EBF4: variants seen among roughly 807,000 people sequenced by gnomAD.
The protein encoded by EBF4 is EBF transcription factor 4.
EBF4 carries 34 observed loss-of-function variants against 67.1 expected under a neutral mutation model. The observed-to-expected ratio is 0.51, with a 90% CI of 0.39 to 0.67. EBF4 has a LOEUF of 0.67. EBF4 is among the 30% of genes least tolerant of loss of function. EBF4 has a pLI of 0.00. For missense variants in EBF4, 837 were observed against 873.3 expected, an observed-to-expected ratio of 0.96 and a Z score of 0.52; for synonymous variants, 387 against 377.7, an observed-to-expected ratio of 1.02 and a Z score of -0.29.
At chr20:2,753,079 C>T (rs2088183265) in intron 14 of EBF4, among the ~76,000 whole-genome samples, 1 of 152,252 alleles carries the variant, frequency 6.6e-6, no homozygotes, top group Admixed American at 6.5e-5. Flanking sequence ...TCTGTGTGAT[C>T]AGACAGAATT....
At chr20:2,754,840 C>CT (rs1432496287) in intron 14 of EBF4, among the ~76,000 whole-genome samples, 84 of 152,056 alleles carry the variant, frequency 5.5e-4, no homozygotes, top group Non-Finnish European at 2.2e-4. Flanking sequence ...AGGAGGCTCC[C>CT]TTGCCATTCC....
At chr20:2,701,777 C>T (rs1033787096) in intron 1 of EBF4, among the ~76,000 whole-genome samples, 25 of 152,332 alleles carry the variant, frequency 1.6e-4, no homozygotes, top group Non-Finnish European at 3.4e-4. Context: ...GATATAAAAG[C>T]CACAGGGACC....
rs2087296715 is a variant in EBF4, at chr20:2,696,913, G to A, written c.137+3131G>A. Among the ~76,000 whole-genome samples, 1 of 152,208 alleles carries A rather than the reference G, an allele frequency of 6.6e-6. No homozygotes were observed. Among genetic ancestry groups the A allele is most frequent in the South Asian group, 2.1e-4 (1 of 4,836 alleles). ...GCTGGGGCCTTCCCCTAAGGCAAGG[G>A]TAGCGGTCCGTTCATCCTTGTGTCC... On this transcript the variant is annotated intron_variant, in intron 1 of 16. Coordinates refer to ENST00000609451, the Ensembl canonical transcript of EBF4. The surrounding 1 kb of genome is among the most constrained non-coding windows in gnomAD (Gnocchi z 4.7).
At position 2,755,666 on chromosome 20, in the gene EBF4, T is replaced by C; in HGVS notation, c.1580T>C (p.Met527Thr). ...CCCCCGCTGGCGGCTGCCTCCTCCA[T>C]GTCCCTCCCGGCCGCTGCCCCCACC... The change falls in exon 15 of 17, where the codon ATG becomes ACG. Residue 527 changes from methionine to threonine, a missense_variant. Met to Thr is a moderately conservative substitution (Grantham distance 81). Transcript: ENST00000609451. The surrounding 1 kb of genome is among the most constrained non-coding windows in gnomAD (Gnocchi z 4.7). 1 of 1,290,796 alleles carries C rather than the reference T, an allele frequency of 7.7e-7. No individual in the cohort carries two copies. The highest frequency in any genetic ancestry group is 1.0e-6 in the Non-Finnish European group (1 of 985,462). 80.0% of individuals were successfully genotyped at this position (1,290,796 alleles called of 1,614,324 possible).
intron 6 of EBF4, among the ~76,000 whole-genome samples, chr20:2,720,028 T>G (rs1192363674): frequency 1.3e-5 from 2 of 152,218 alleles, no homozygotes; most frequent in African/African-American, 2.4e-5. Context: ...CTCCTTGAGG[T>G]TCTATCAATT....
At chr20:2,726,924 G>A (rs2087754031) in intron 6 of EBF4, among the ~76,000 whole-genome samples, 1 of 151,974 alleles carries the variant, frequency 6.6e-6, no homozygotes, top group South Asian at 2.1e-4. Context: ...TTATTAAGCA[G>A]CTCCCCATCT....
At chr20:2,752,097 G>T in exon 13 of EBF4, 3 of 1,460,076 alleles carry the variant, frequency 2.1e-6, no homozygotes, top group Non-Finnish European at 2.7e-6. Flanking sequence ...AGCTGCTCCT[G>T]AAGCGCGCGG....
intron 7 of EBF4, 62 bp downstream of exon 7, chr20:2,748,692 G>T (rs565147642): frequency 1.3e-6 from 2 of 1,512,678 alleles, no homozygotes; most frequent in Non-Finnish European, 1.8e-6. Flanking sequence ...GGGGAGGGGA[G>T]GGGGAAGGGA....
At chr20:2,701,904 G>C (rs549895689) in intron 1 of EBF4, among the ~76,000 whole-genome samples, 1 of 152,328 alleles carries the variant, frequency 6.6e-6, no homozygotes, top group Admixed American at 6.5e-5. Context: ...GAGGAGCTCA[G>C]GGTTGAGGCC....
chr20:2,744,039 C>T (rs2088008102), intron 6 of EBF4, among the ~76,000 whole-genome samples: 1 of 151,938 alleles, frequency 6.6e-6, no homozygotes, highest in Admixed American at 6.6e-5. Flanking sequence ...ATCTGTCTTT[C>T]CATGCTCTAC....
chr20:2,696,752 C>G lies in EBF4; in HGVS notation c.137+2970C>G, dbSNP rs2146359435. Among the ~76,000 whole-genome samples the G allele has an allele frequency of 6.6e-6, 1 of 152,308 alleles. No individual in the cohort carries two copies. On this transcript the variant is annotated intron_variant, in intron 1 of 16. Coordinates refer to ENST00000609451, the Ensembl canonical transcript of EBF4. This position sits in a 1 kb window ranked among gnomAD's most constrained non-coding sequence, Gnocchi z 4.7. Reference sequence around the variant, plus strand: ...ACCAGCCTCAGGACTCCCTCTTACACCCACCGACCCCAGCAACTGCTCTTT... The same window carrying G: ...ACCAGCCTCAGGACTCCCTCTTACAGCCACCGACCCCAGCAACTGCTCTTT...
chr20:2,705,265 C>T (rs545506060), intron 1 of EBF4, among the ~76,000 whole-genome samples: 221 of 152,348 alleles, frequency 1.5e-3, no homozygotes, highest in African/African-American at 5.0e-3. Flanking sequence ...ATTTTTGAGA[C>T]TGGCCTTGCA....
At chr20:2,748,407 A>G (rs554002877) in intron 6 of EBF4, 142 bp from the exon 7 acceptor site, 9 of 736,478 alleles carry the variant, frequency 1.2e-5, no homozygotes, top group African/African-American at 1.1e-4. Context: ...GGAGGCCATG[A>G]TGGGAATATG....
intron 6 of EBF4, among the ~76,000 whole-genome samples, chr20:2,716,220 TA>T (rs35206416): frequency 0.23 from 26,773 of 118,226 alleles, 3,538 homozygotes; most frequent in African/African-American, 0.4. Flanking sequence ...GACCCTGTCT[TA>T]AAAAAAAAAA....
Position 2,751,778 on chromosome 20 carries a change from G to A in EBF4, c.1097G>A (p.Arg366Lys). 1 of 1,549,846 alleles carries A rather than the reference G, an allele frequency of 6.5e-7. No individual in the cohort carries two copies. The highest frequency in any genetic ancestry group is 8.7e-7 in the Non-Finnish European group (1 of 1,146,718). The change falls in exon 11 of 17, where the codon AGG becomes AAG. Residue 366 changes from arginine to lysine, a missense_variant. Coordinates refer to ENST00000609451, the Ensembl canonical transcript of EBF4. This position sits in a 1 kb window ranked among gnomAD's most constrained non-coding sequence, Gnocchi z 5.2. ...CCCAGACACCCCGGAGACCCCGAGA[G>A]GCTGCCCAAGGTACTCAGAGGGGCG...
intron 5 of EBF4, among the ~76,000 whole-genome samples, chr20:2,708,821 C>A (rs1000066899): frequency 3.9e-5 from 6 of 152,220 alleles, no homozygotes; most frequent in African/African-American, 1.4e-4. Context: ...AGAGGCATGA[C>A]CGGCATCTGG....
At chr20:2,700,251 C>A (rs984863870) in intron 1 of EBF4, among the ~76,000 whole-genome samples, 1 of 152,062 alleles carries the variant, frequency 6.6e-6, no homozygotes. Flanking sequence ...TCACCCCCAA[C>A]CCCCAGTGTT....
chr20:2,733,307 C>G (rs1011858800), intron 6 of EBF4, among the ~76,000 whole-genome samples: 3 of 152,068 alleles, frequency 2.0e-5, no homozygotes, highest in African/African-American at 7.2e-5. Flanking sequence ...AGTTACTTCT[C>G]TCTCTCTCTC....
At chr20:2,736,725 T>C (rs537221233) in intron 6 of EBF4, among the ~76,000 whole-genome samples, 1 of 152,252 alleles carries the variant, frequency 6.6e-6, no homozygotes, top group Admixed American at 6.5e-5. Flanking sequence ...CACCACTCTT[T>C]TCAGAGCTGA....
Sources: gnomAD v4.1 joint callset for allele counts (sites outside exome capture counted in the v4.1 genomes callset) on GRCh38, gnomAD v4.1.1 for gene constraint, Gnocchi (gnomAD v3.1) non-coding constraint, MANE v1.5 for transcripts, NCBI Gene and HGNC (gene_info 2026-07-23, HGNC 2026-07-21) for gene names.